DOCK1: variants seen among roughly 807,000 people sequenced by gnomAD.
The protein encoded by DOCK1 is dedicator of cytokinesis 1.
DOCK1 carries 138 observed loss-of-function variants against 262.7 expected under a neutral mutation model. The ratio of observed to expected loss-of-function variants is 0.53; its 90% CI spans 0.46 to 0.61. DOCK1 has a LOEUF of 0.61. Ranked by LOEUF, DOCK1 falls within the 20% of genes least tolerant of loss-of-function variation. The pLI is 0.00. For synonymous variants in DOCK1, 866 were observed against 867.4 expected, an observed-to-expected ratio of 1.00 and a Z score of 0.03; for missense variants, 1,908 against 2,370.7, an observed-to-expected ratio of 0.80 and a Z score of 4.05.
intron 29 of DOCK1, among the ~76,000 whole-genome samples, chr10:127,276,459 G>C (rs150487250): frequency 6.6e-6 from 1 of 152,086 alleles, no homozygotes; most frequent in Non-Finnish European, 1.5e-5. Flanking sequence ...CAGAACTATC[G>C]GCTGTTTGAT....
At chr10:127,414,929 G>C (rs2068071190) in intron 43 of DOCK1, among the ~76,000 whole-genome samples, 1 of 152,184 alleles carries the variant, frequency 6.6e-6, no homozygotes, top group Non-Finnish European at 1.5e-5. Context: ...ATGTTGGCTA[G>C]GGGACAGGGG....
intron 46 of DOCK1, among the ~76,000 whole-genome samples, chr10:127,420,354 C>T (rs2068428056): frequency 6.6e-6 from 1 of 152,184 alleles, no homozygotes; most frequent in Non-Finnish European, 1.5e-5. Flanking sequence ...ACGGATGCAT[C>T]TGTGCTTCTC....
chr10:127,168,132 G>C (rs2054247576), intron 27 of DOCK1, among the ~76,000 whole-genome samples: 1 of 152,180 alleles, frequency 6.6e-6, no homozygotes, highest in Non-Finnish European at 1.5e-5. Flanking sequence ...GGGAAGGTCA[G>C]CATCTCAGGA....
At chr10:127,263,488 C>A (rs992704749) in intron 29 of DOCK1, among the ~76,000 whole-genome samples, 3 of 144,192 alleles carry the variant, frequency 2.1e-5, no homozygotes, top group Non-Finnish European at 3.0e-5. Context: ...GACATTATAG[C>A]TGTGCTCTAG....
intron 44 of DOCK1, among the ~76,000 whole-genome samples, chr10:127,417,252 G>A (rs2068213093): frequency 6.6e-6 from 1 of 152,222 alleles, no homozygotes; most frequent in South Asian, 2.1e-4. Context: ...CCAGTGTGAG[G>A]AGGAGGTTTG....
At chr10:127,169,273 A>G (rs949777948) in intron 27 of DOCK1, among the ~76,000 whole-genome samples, 1 of 152,198 alleles carries the variant, frequency 6.6e-6, no homozygotes, top group African/African-American at 2.4e-5. Context: ...GAACAGCCTG[A>G]ATGCCGATGA....
At chr10:127,104,665 A>G (rs1460910850) in intron 23 of DOCK1, among the ~76,000 whole-genome samples, 1 of 152,168 alleles carries the variant, frequency 6.6e-6, no homozygotes, top group African/African-American at 2.4e-5. Flanking sequence ...TTTGAGCTTT[A>G]TTGCAATTCC....
chr10:127,122,059 CG>C (rs1244638644), intron 25 of DOCK1, among the ~76,000 whole-genome samples: 1 of 152,170 alleles, frequency 6.6e-6, no homozygotes, highest in African/African-American at 2.4e-5. Flanking sequence ...TTCAGTGTTC[CG>C]ATAACGGGGC....
chr10:127,335,981 G>A (rs2063174290), intron 29 of DOCK1, among the ~76,000 whole-genome samples: 1 of 151,902 alleles, frequency 6.6e-6, no homozygotes, highest in Non-Finnish European at 1.5e-5. Context: ...CTCCCAAAGT[G>A]CTGGGATTAC....
chr10:127,301,112 G>GA (rs1400604855), intron 29 of DOCK1, among the ~76,000 whole-genome samples: 8 of 152,200 alleles, frequency 5.3e-5, no homozygotes, highest in Admixed American at 4.6e-4. Context: ...TAAAAGCCAG[G>GA]ATCCACCAAG....
chr10:127,235,613 G>A (rs975292624), intron 27 of DOCK1, among the ~76,000 whole-genome samples: 3 of 152,028 alleles, frequency 2.0e-5, no homozygotes, highest in African/African-American at 7.2e-5. Flanking sequence ...TCTCTGTGTG[G>A]GCATATCTTT....
Position 127,114,746 on chromosome 10 carries a change from CT to C in DOCK1, c.2623+4400del, listed in dbSNP as rs370043438. 7.6e-3 allele frequency among the ~76,000 whole-genome samples: 1,038 copies of C among 136,524 alleles called. 7 individuals are homozygous for C. Among genetic ancestry groups the C allele is most frequent in the Admixed American group, 0.019 (230 of 11,998 alleles). The allele number at this position is 136,524 out of a possible 152,430, so 89.6% of individuals were successfully genotyped here. On this transcript the variant is annotated intron_variant, in intron 25 of 51. Transcript: ENST00000623213. ...CTCCACAAATTATCAACTCATGATC[CT>C]TTTTTTTCTTTCTTTTTTTTTTTTT...
At chr10:127,316,251 G>A (rs2135532843) in intron 29 of DOCK1, among the ~76,000 whole-genome samples, 1 of 152,208 alleles carries the variant, frequency 6.6e-6, no homozygotes, top group Admixed American at 6.5e-5. Context: ...GTACCTAAGA[G>A]CTCTTGACTT....
At chr10:127,021,961 G>A (rs183771709) in intron 13 of DOCK1, among the ~76,000 whole-genome samples, 91 of 152,230 alleles carry the variant, frequency 6.0e-4, no homozygotes, top group African/African-American at 2.1e-3. Flanking sequence ...TTGGGAGAGC[G>A]GGTGGTCAGG....
intron 16 of DOCK1, among the ~76,000 whole-genome samples, chr10:127,027,512 G>A (rs1364613007): frequency 2.0e-5 from 3 of 152,146 alleles, no homozygotes; most frequent in African/African-American, 7.2e-5. Context: ...CTTGAACCCG[G>A]GAGGCAGAGG....
At chr10:127,310,662 C>T (rs957929827) in intron 29 of DOCK1, among the ~76,000 whole-genome samples, 4 of 152,122 alleles carry the variant, frequency 2.6e-5, no homozygotes, top group African/African-American at 9.7e-5. Context: ...AGAATGATTT[C>T]TCATATTGGA....
chr10:127,098,307 G>A (rs7897255), intron 23 of DOCK1, among the ~76,000 whole-genome samples: 36,930 of 152,144 alleles, frequency 0.24, 6,371 homozygotes, highest in African/African-American at 0.5. Flanking sequence ...ATTCTACTCA[G>A]TATTTGCCAC....
intron 23 of DOCK1, among the ~76,000 whole-genome samples, chr10:127,078,182 G>A (rs2046682344): frequency 6.6e-6 from 1 of 152,130 alleles, no homozygotes; most frequent in Non-Finnish European, 1.5e-5. Flanking sequence ...AGAAGACATA[G>A]GAGGAGAAAT....
chr10:126,981,411 G>A (rs79076051), intron 3 of DOCK1, among the ~76,000 whole-genome samples: 3,397 of 152,324 alleles, frequency 0.022, 136 homozygotes, highest in African/African-American at 0.078. Flanking sequence ...CCCAGGTGTT[G>A]TGCAGATTGG....
Sources: allele counts gnomAD v4.1 joint callset (sites outside exome capture counted in the v4.1 genomes callset), GRCh38; gene constraint gnomAD v4.1.1; transcripts MANE v1.5; gene names NCBI Gene and HGNC (gene_info 2026-07-23, HGNC 2026-07-21).